The following LDLRAD4 variants were observed in gnomAD, a reference collection of about 807,000 sequenced individuals.
LDLRAD4 encodes the protein low-density lipoprotein receptor class A domain-containing protein 4.
Under a neutral mutation model 17.0 loss-of-function variants are expected in LDLRAD4, and 5 were observed. That is an observed-to-expected ratio of 0.29 (90% confidence interval 0.15 to 0.62). LDLRAD4 has a LOEUF of 0.62. Ranked by LOEUF, LDLRAD4 falls within the 20% of genes least tolerant of loss-of-function variation. LDLRAD4 has a pLI of 0.84. For missense variants in LDLRAD4, 340 were observed against 424.7 expected (o/e 0.80, Z 1.75); for synonymous variants, 168 against 171.8 (o/e 0.98, Z 0.17).
At chr18:13,281,823 A>T (rs2045297982) in intron 1 of LDLRAD4, among the ~76,000 whole-genome samples, 1 of 152,154 alleles carries the variant, frequency 6.6e-6, no homozygotes, top group African/African-American at 2.4e-5. Context: ...AGGGGACTGG[A>T]TTCTGAAGCT....
intron 2 of LDLRAD4, among the ~76,000 whole-genome samples, chr18:13,430,491 T>TG (rs1337577273): frequency 6.6e-6 from 1 of 152,016 alleles, no homozygotes; most frequent in African/African-American, 2.4e-5. Context: ...CTCTTCACAA[T>TG]GGGATGCCTT....
At chr18:13,289,658 T>C (rs573159245) in intron 1 of LDLRAD4, among the ~76,000 whole-genome samples, 4 of 152,328 alleles carry the variant, frequency 2.6e-5, no homozygotes, top group African/African-American at 9.6e-5. Flanking sequence ...GCTAAAATTA[T>C]GGGGCCGTCT....
At chr18:13,225,751 G>A (rs1013575243) in intron 1 of LDLRAD4, among the ~76,000 whole-genome samples, 9 of 152,234 alleles carry the variant, frequency 5.9e-5, no homozygotes, top group African/African-American at 2.2e-4. Flanking sequence ...ATGATTAGTA[G>A]GTTAGTAGAT....
chr18:13,475,449 A>G (rs1370977046), intron 3 of LDLRAD4, among the ~76,000 whole-genome samples: 1 of 69,284 alleles, frequency 1.4e-5, no homozygotes, highest in Non-Finnish European at 3.5e-5. Context: ...TTTTTTTTGT[A>G]AAGACAGGTT....
At chr18:13,640,891 T>G (rs1233668935) in intron 4 of LDLRAD4, among the ~76,000 whole-genome samples, 1 of 152,154 alleles carries the variant, frequency 6.6e-6, no homozygotes, top group African/African-American at 2.4e-5. Context: ...AGTTACTTAT[T>G]TAACAAATTA....
At chr18:13,537,719 G>T (rs1212395015) in intron 3 of LDLRAD4, among the ~76,000 whole-genome samples, 3 of 152,062 alleles carry the variant, frequency 2.0e-5, no homozygotes, top group African/African-American at 7.2e-5. Context: ...CCAATACATT[G>T]TTATGAGGCA....
intron 1 of LDLRAD4, among the ~76,000 whole-genome samples, chr18:13,340,357 A>G (rs756481436): frequency 6.6e-6 from 1 of 152,206 alleles, no homozygotes; most frequent in Non-Finnish European, 1.5e-5. Flanking sequence ...TGTCTTCCAC[A>G]GGGGCTGCAC....
chr18:13,495,833 G>A (rs991866042), intron 3 of LDLRAD4, among the ~76,000 whole-genome samples: 1 of 152,184 alleles, frequency 6.6e-6, no homozygotes. Flanking sequence ...AACGTCACCA[G>A]CACTGCCACT....
chr18:13,358,621 G>C (rs1027867567), intron 1 of LDLRAD4, among the ~76,000 whole-genome samples: 16 of 152,010 alleles, frequency 1.1e-4, no homozygotes, highest in South Asian at 2.1e-4. Context: ...TCCCTCAAAT[G>C]GGATAAATCA....
chr18:13,620,870 C>T, intron 3 of LDLRAD4: 1 of 563,926 alleles, frequency 1.8e-6, no homozygotes, highest in East Asian at 2.8e-5. Context: ...GAGACGTTCT[C>T]AGCTCCCTGT....
At chr18:13,268,178 ACTGCAGATGGTGCCCACTCCGCCTCCC>A (rs2044326861) in intron 1 of LDLRAD4, among the ~76,000 whole-genome samples, 3 of 152,220 alleles carry the variant, frequency 2.0e-5, no homozygotes, top group African/African-American at 7.2e-5. Flanking sequence ...CTGTCGATGG[ACTGCAGATGGTGCCCACTCCGCCTCCC>A]CTGCCAGTCT....
At chr18:13,231,306 G>A (rs1337427943) in intron 1 of LDLRAD4, among the ~76,000 whole-genome samples, 2 of 152,164 alleles carry the variant, frequency 1.3e-5, no homozygotes, top group Non-Finnish European at 2.9e-5. Flanking sequence ...GTGGGTGCAC[G>A]CAGACAGGCC....
chr18:13,349,647 G>A (rs1168516370), intron 1 of LDLRAD4, among the ~76,000 whole-genome samples: 1 of 151,980 alleles, frequency 6.6e-6, no homozygotes, highest in African/African-American at 2.4e-5. Flanking sequence ...TTAAGTTCTG[G>A]GATACAAGTG....
intron 2 of LDLRAD4, among the ~76,000 whole-genome samples, chr18:13,402,403 T>C (rs182151997): frequency 6.6e-6 from 1 of 152,354 alleles, no homozygotes; most frequent in Admixed American, 6.5e-5. Context: ...AATTACAGGA[T>C]TGTTGTCTCC....
chr18:13,578,679 C>T (rs1212045548), intron 3 of LDLRAD4, among the ~76,000 whole-genome samples: 1 of 152,130 alleles, frequency 6.6e-6, no homozygotes, highest in Non-Finnish European at 1.5e-5. Flanking sequence ...GATGCTGGTG[C>T]TGGCTTCTTA....
intron 3 of LDLRAD4, among the ~76,000 whole-genome samples, chr18:13,549,371 G>T (rs2148051186): frequency 6.6e-6 from 1 of 152,184 alleles, no homozygotes; most frequent in Admixed American, 6.5e-5. Flanking sequence ...CAAGGATGAG[G>T]AATCACGCTG....
chr18:13,542,171 G>C (rs2094293903), intron 3 of LDLRAD4: 1 of 152,194 alleles, frequency 6.6e-6, no homozygotes, highest in African/African-American at 2.4e-5. Flanking sequence ...GTTTATGTTG[G>C]GGAATCAGTT....
chr18:13,228,720 A>G (rs1418530832), intron 1 of LDLRAD4, among the ~76,000 whole-genome samples: 1 of 152,212 alleles, frequency 6.6e-6, no homozygotes, highest in Non-Finnish European at 1.5e-5. Flanking sequence ...TTGTGCCCCT[A>G]AAACACTTAG....
intron 4 of LDLRAD4, among the ~76,000 whole-genome samples, chr18:13,639,088 C>A (rs949860158): frequency 2.0e-5 from 3 of 152,216 alleles, no homozygotes; most frequent in African/African-American, 7.2e-5. Context: ...GCTTAAAATT[C>A]TGTGAACTAC....
Sources: gnomAD v4.1 joint callset for allele counts (sites outside exome capture counted in the v4.1 genomes callset) on GRCh38, gnomAD v4.1.1 for gene constraint, MANE v1.5 for transcripts, NCBI Gene and HGNC (gene_info 2026-07-23, HGNC 2026-07-21) for gene names.